The following CDH13 variants were observed in gnomAD, a reference collection of about 807,000 sequenced individuals.
CDH13 encodes the protein cadherin-13.
CDH13 carries 24 observed loss-of-function variants against 63.8 expected under a neutral mutation model. The ratio of observed to expected loss-of-function variants is 0.38; its 90% confidence interval spans 0.27 to 0.53. The LOEUF (loss-of-function observed/expected upper bound fraction) is 0.53, where lower values mean the gene tolerates loss of function less well. Among genes scored for constraint, CDH13 ranks in the 20% least tolerant of loss-of-function variants. The pLI is 0.85. For missense variants in CDH13, 1,049 were observed against 903.1 expected (o/e 1.16, Z -2.07); for synonymous variants, 503 against 355.3 (o/e 1.42, Z -4.67).
At chr16:83,110,655 G>A (rs66776121) in intron 3 of CDH13, among the ~76,000 whole-genome samples, 11,218 of 152,142 alleles carry the variant, frequency 0.074, 447 homozygotes, top group Non-Finnish European at 0.082. Context: ...CCTGGGCCTG[G>A]TTAGTAGTAT....
chr16:82,808,628 A>T (rs2037279097), intron 1 of CDH13, among the ~76,000 whole-genome samples: 1 of 152,126 alleles, frequency 6.6e-6, no homozygotes, highest in Admixed American at 6.6e-5. Flanking sequence ...TCATAAGATG[A>T]TGTTGGAAAA....
At chr16:83,191,670 C>T (rs1303918855) in intron 4 of CDH13, among the ~76,000 whole-genome samples, 2 of 151,262 alleles carry the variant, frequency 1.3e-5, no homozygotes, top group African/African-American at 4.9e-5. Context: ...AGTCCAAGTT[C>T]CAAAGCTGAA....
chr16:83,314,431 A>G (rs1271051822), intron 5 of CDH13, among the ~76,000 whole-genome samples: 2 of 152,342 alleles, frequency 1.3e-5, no homozygotes, highest in South Asian at 2.1e-4. Context: ...GGCTAGAATA[A>G]TATGTGAAAT....
intron 4 of CDH13, among the ~76,000 whole-genome samples, chr16:83,165,532 G>T (rs1381945610): frequency 6.6e-6 from 1 of 152,106 alleles, no homozygotes; most frequent in Non-Finnish European, 1.5e-5. Context: ...CTGTGCTGAG[G>T]AAGGTGGTTG....
At chr16:82,719,483 A>C (rs907953577) in intron 1 of CDH13, 5 of 455,422 alleles carry the variant, frequency 1.1e-5, no homozygotes, top group African/African-American at 1.0e-4. Flanking sequence ...TTCGTAAGTT[A>C]CATGAGATGT....
chr16:82,783,522 T>C (rs1191889785), intron 1 of CDH13, among the ~76,000 whole-genome samples: 1 of 152,208 alleles, frequency 6.6e-6, no homozygotes, highest in African/African-American at 2.4e-5. Context: ...GTCCTGAGAT[T>C]AGTGACAGCA....
At chr16:83,530,330 G>A (rs2075056043) in intron 7 of CDH13, among the ~76,000 whole-genome samples, 1 of 152,174 alleles carries the variant, frequency 6.6e-6, no homozygotes, top group Admixed American at 6.5e-5. Context: ...CCACTGAGCT[G>A]ACCTTGTGCT....
intron 2 of CDH13, among the ~76,000 whole-genome samples, chr16:82,938,339 C>T (rs1384734388): frequency 5.3e-5 from 8 of 152,168 alleles, no homozygotes; most frequent in African/African-American, 7.2e-5. Context: ...TGACTTGATT[C>T]GGGAATAGAA....
intron 5 of CDH13, among the ~76,000 whole-genome samples, chr16:83,264,489 A>G (rs768461446): frequency 1.3e-5 from 2 of 151,970 alleles, no homozygotes; most frequent in African/African-American, 4.8e-5. Flanking sequence ...TTGTGTGTGT[A>G]CATATTATAC....
intron 1 of CDH13, among the ~76,000 whole-genome samples, chr16:82,681,574 G>C (rs1914549103): frequency 6.6e-6 from 1 of 152,170 alleles, no homozygotes; most frequent in African/African-American, 2.4e-5. Flanking sequence ...CTCATTTTCT[G>C]AGCTAGTCAC....
intron 1 of CDH13, among the ~76,000 whole-genome samples, chr16:82,696,256 A>G (rs909705008): frequency 4.6e-5 from 7 of 152,206 alleles, no homozygotes; most frequent in African/African-American, 1.7e-4. Flanking sequence ...TTCACGTTAT[A>G]TATTATTCAA....
intron 3 of CDH13, among the ~76,000 whole-genome samples, chr16:83,049,882 A>T (rs188050955): frequency 6.6e-6 from 1 of 152,310 alleles, no homozygotes; most frequent in African/African-American, 2.4e-5. Flanking sequence ...AACATTGCAT[A>T]CTTACAAGAT....
intron 3 of CDH13, among the ~76,000 whole-genome samples, chr16:83,038,432 G>C (rs1233806628): frequency 2.0e-5 from 3 of 152,178 alleles, no homozygotes; most frequent in Non-Finnish European, 4.4e-5. Flanking sequence ...CAGAAGAGCA[G>C]TTTAATTCCA....
chr16:83,250,612 C>T (rs1048112395), intron 5 of CDH13, among the ~76,000 whole-genome samples: 1 of 151,932 alleles, frequency 6.6e-6, no homozygotes, highest in Non-Finnish European at 1.5e-5. Context: ...ACTCCAGCAA[C>T]CTTGGAGTAA....
chr16:83,125,616 T>C (rs2035774308), intron 4 of CDH13, 115 bp downstream of exon 4: 1 of 595,528 alleles, frequency 1.7e-6, no homozygotes, highest in African/African-American at 1.9e-5. Context: ...CTGTCTATGA[T>C]AAGAGACCAA....
intron 10 of CDH13, among the ~76,000 whole-genome samples, chr16:83,696,271 A>G (rs1453552214): frequency 1.3e-5 from 2 of 152,180 alleles, no homozygotes; most frequent in African/African-American, 2.4e-5. Context: ...AGTCATGCTC[A>G]GTAGAGTGTG....
At chr16:83,651,433 T>C (rs993918447) in intron 8 of CDH13, among the ~76,000 whole-genome samples, 6 of 152,048 alleles carry the variant, frequency 3.9e-5, no homozygotes, top group African/African-American at 1.4e-4. Flanking sequence ...CCTGTAAGGG[T>C]AGGTATTATT....
chr16:83,567,880 C>G (rs1176823480), intron 7 of CDH13, among the ~76,000 whole-genome samples: 1 of 152,222 alleles, frequency 6.6e-6, no homozygotes, highest in East Asian at 1.9e-4. Flanking sequence ...CAGGCATGAG[C>G]CACCACGCCC....
intron 1 of CDH13, among the ~76,000 whole-genome samples, chr16:82,671,662 A>T (rs1037557762): frequency 3.9e-5 from 6 of 152,190 alleles, no homozygotes; most frequent in African/African-American, 1.4e-4. Context: ...AGTGATGAAA[A>T]TGCTGATCTT....
Sources: gnomAD v4.1 joint callset for allele counts (sites outside exome capture counted in the v4.1 genomes callset) on GRCh38, gnomAD v4.1.1 for gene constraint, MANE v1.5 for transcripts, NCBI Gene and HGNC (gene_info 2026-07-23, HGNC 2026-07-21) for gene names.